The following SYT16 variants were observed in gnomAD, a reference collection of about 807,000 sequenced individuals.
SYT16 encodes synaptotagmin 16.
In SYT16, 42 loss-of-function variants were observed where a neutral mutation model predicts 61.4. The ratio of observed to expected loss-of-function variants is 0.68; its 90% CI spans 0.53 to 0.89. SYT16 has a LOEUF of 0.89. Ranked by LOEUF, SYT16 falls within the 40% of genes least tolerant of loss-of-function variation. The probability of loss-of-function intolerance (pLI) is 0.00; values close to 1 mark genes in which losing one functional copy is unlikely to be tolerated. For synonymous variants in SYT16, 314 were observed against 302.3 expected (o/e 1.04, Z -0.40); for missense variants, 804 against 807.3 (o/e 1.00, Z 0.05).
intron 3 of SYT16, among the ~76,000 whole-genome samples, chr14:62,054,308 A>ATT (rs11444506): frequency 1.1e-3 from 150 of 141,624 alleles, no homozygotes; most frequent in African/African-American, 2.9e-3. Flanking sequence ...AGATTGTATG[A>ATT]TTTTTTTTTT....
intron 1 of SYT16, among the ~76,000 whole-genome samples, chr14:61,825,517 C>T (rs534025767): frequency 1.3e-5 from 2 of 152,174 alleles, no homozygotes; most frequent in East Asian, 3.9e-4. Flanking sequence ...CTCGTCTCTA[C>T]AAAAAGAATA....
At chr14:62,076,389 C>G (rs1435669774) in intron 5 of SYT16, among the ~76,000 whole-genome samples, 2 of 151,648 alleles carry the variant, frequency 1.3e-5, no homozygotes. Context: ...AGAAAATAAA[C>G]AGGATGCATC....
chr14:61,863,091 A>C (rs2047015204), intron 1 of SYT16, among the ~76,000 whole-genome samples: 1 of 152,196 alleles, frequency 6.6e-6, no homozygotes, highest in Non-Finnish European at 1.5e-5. Context: ...ATTCATGTGC[A>C]GTTTTTTGTG....
At chr14:61,963,893 G>A (rs2051206442) in intron 1 of SYT16, among the ~76,000 whole-genome samples, 1 of 152,158 alleles carries the variant, frequency 6.6e-6, no homozygotes, top group African/African-American at 2.4e-5. Flanking sequence ...ATTATGCTCA[G>A]TCTTGTCTGC....
chr14:62,068,064 G>A (rs952331004), intron 3 of SYT16, among the ~76,000 whole-genome samples: 4 of 152,120 alleles, frequency 2.6e-5, no homozygotes, highest in Non-Finnish European at 4.4e-5. Flanking sequence ...TAAAGGAGGT[G>A]AAATCACCAC....
chr14:61,990,236 CA>C (rs1447874754), intron 2 of SYT16, among the ~76,000 whole-genome samples: 4 of 152,092 alleles, frequency 2.6e-5, no homozygotes, highest in African/African-American at 9.7e-5. Context: ...TGTCTTTCTC[CA>C]AAAGGCATGA....
chr14:62,052,007 A>T lies in SYT16; in HGVS notation c.524-17596A>T, dbSNP rs180935077. Among the ~76,000 whole-genome samples the T allele has an allele frequency of 2.3e-4, 35 of 152,270 alleles. No homozygotes were observed. The East Asian group carries it at 4.4e-3, about 19-fold the overall frequency. ...TGCACTCCAGCCTGGGAAACATTTT[A>T]AAAAAATGCAGTCTTTATCGTCTCT... On this transcript the variant is annotated intron_variant, in intron 3 of 7. Transcript: ENST00000683842.
At chr14:62,023,333 A>G (rs1049156490) in intron 3 of SYT16, among the ~76,000 whole-genome samples, 2 of 152,178 alleles carry the variant, frequency 1.3e-5, no homozygotes, top group Non-Finnish European at 2.9e-5. Flanking sequence ...GTATTTATCA[A>G]GTGTACTTTA....
intron 3 of SYT16, among the ~76,000 whole-genome samples, chr14:62,000,873 A>G (rs1566752827): frequency 1.3e-5 from 2 of 152,108 alleles, no homozygotes; most frequent in South Asian, 4.1e-4. Flanking sequence ...TTAGTCTTAT[A>G]CATGCAATAA....
At chr14:61,884,417 C>G (rs916862203) in intron 1 of SYT16, among the ~76,000 whole-genome samples, 10 of 152,128 alleles carry the variant, frequency 6.6e-5, no homozygotes, top group African/African-American at 2.4e-4. Flanking sequence ...AGATCTTCAA[C>G]TAATTAAGGA....
intron 1 of SYT16, among the ~76,000 whole-genome samples, chr14:61,908,974 C>T (rs1170841641): frequency 3.1e-4 from 47 of 152,304 alleles, no homozygotes; most frequent in Non-Finnish European, 4.4e-5. Context: ...AGGCACATGC[C>T]ATTACACCTG....
chr14:62,020,333 A>G (rs1000103139), intron 3 of SYT16, among the ~76,000 whole-genome samples: 2 of 152,102 alleles, frequency 1.3e-5, no homozygotes, highest in African/African-American at 2.4e-5. Context: ...TATATCTTGT[A>G]TAATATAATA....
At chr14:61,987,901 A>G (rs2052385495) in intron 2 of SYT16, among the ~76,000 whole-genome samples, 2 of 152,222 alleles carry the variant, frequency 1.3e-5, no homozygotes, top group South Asian at 4.1e-4. Context: ...TTTTTGGCCT[A>G]CTTTTGAGCC....
At chr14:62,052,643 A>T (rs534759854) in intron 3 of SYT16, among the ~76,000 whole-genome samples, 1 of 152,344 alleles carries the variant, frequency 6.6e-6, no homozygotes, top group South Asian at 2.1e-4. Context: ...TTAAAACCAT[A>T]ATCCTGATGG....
At chr14:61,977,432 T>A (rs1270666100) in intron 2 of SYT16, among the ~76,000 whole-genome samples, 1 of 152,110 alleles carries the variant, frequency 6.6e-6, no homozygotes, top group Non-Finnish European at 1.5e-5. Context: ...GGAAACTTAA[T>A]CATAGCAGAA....
intron 3 of SYT16, among the ~76,000 whole-genome samples, chr14:62,028,564 T>C (rs1262294923): frequency 6.6e-6 from 1 of 152,162 alleles, no homozygotes; most frequent in African/African-American, 2.4e-5. Flanking sequence ...ATTTAAACTT[T>C]TAGGTGAGTT....
intron 1 of SYT16, among the ~76,000 whole-genome samples, chr14:61,890,089 C>T (rs2048064464): frequency 6.6e-6 from 1 of 152,178 alleles, no homozygotes; most frequent in South Asian, 2.1e-4. Context: ...TATTGCTCTA[C>T]CCTGGGTTAG....
chr14:61,871,031 C>T (rs975543052), intron 1 of SYT16, among the ~76,000 whole-genome samples: 2 of 151,996 alleles, frequency 1.3e-5, no homozygotes, highest in Admixed American at 1.3e-4. Context: ...CATTTTATTT[C>T]TTTAAGTATT....
At chr14:61,865,016 C>CT in intron 1 of SYT16, 1 of 1,414,744 alleles carries the variant, frequency 7.1e-7, no homozygotes, top group Non-Finnish European at 1.0e-6. Context: ...CTTTGATGCC[C>CT]TGAGAGGGCA....
Sources: allele counts gnomAD v4.1 joint callset (sites outside exome capture counted in the v4.1 genomes callset), GRCh38; gene constraint gnomAD v4.1.1; transcripts MANE v1.5; gene names NCBI Gene and HGNC (gene_info 2026-07-23, HGNC 2026-07-21).